PACSIN2: variants seen among roughly 807,000 people sequenced by gnomAD.
The protein encoded by PACSIN2 is protein kinase C and casein kinase substrate in neurons protein 2.
Under a neutral mutation model 63.8 loss-of-function variants are expected in PACSIN2, and 25 were observed. That is an observed-to-expected ratio of 0.39 (90% CI 0.29 to 0.55). The LOEUF (loss-of-function observed/expected upper bound fraction) is 0.55. PACSIN2 is among the 20% of genes least tolerant of loss of function. The pLI is 0.62. For synonymous variants in PACSIN2, 255 were observed against 256.2 expected (o/e 1.00, Z 0.05); for missense variants, 518 against 646.9 (o/e 0.80, Z 2.16).
intron 1 of PACSIN2, among the ~76,000 whole-genome samples, chr22:42,936,147 C>T (rs902058517): frequency 3.3e-5 from 5 of 149,542 alleles, no homozygotes; most frequent in Non-Finnish European, 7.4e-5. Flanking sequence ...ACCCGGGAGG[C>T]GGAGCTTGCA....
intron 1 of PACSIN2, among the ~76,000 whole-genome samples, chr22:42,965,624 A>C (rs572206365): frequency 6.6e-6 from 1 of 152,298 alleles, no homozygotes; most frequent in Admixed American, 6.5e-5. Flanking sequence ...TTTTAGCCCA[A>C]GTGTATTTCT....
At chr22:42,914,679 G>A (rs1931694951) in intron 1 of PACSIN2, among the ~76,000 whole-genome samples, 1 of 152,190 alleles carries the variant, frequency 6.6e-6, no homozygotes, top group Non-Finnish European at 1.5e-5. Flanking sequence ...TCTCAAAGTG[G>A]CCCAATCAAG....
intron 1 of PACSIN2, among the ~76,000 whole-genome samples, chr22:42,987,969 C>T (rs1922755951): frequency 1.3e-5 from 2 of 151,994 alleles, no homozygotes; most frequent in East Asian, 2.0e-4. Context: ...GGTGAAACCC[C>T]GTCTCTACTA....
intron 2 of PACSIN2, among the ~76,000 whole-genome samples, chr22:42,911,791 T>C (rs1053221064): frequency 6.6e-6 from 1 of 152,240 alleles, no homozygotes; most frequent in African/African-American, 2.4e-5. Flanking sequence ...AGTATCAGCC[T>C]TTCCTAGCAA....
chr22:42,870,198 G>C lies in PACSIN2; in HGVS notation c.*1159C>G, dbSNP rs539862853. 1 of 152,278 alleles carries C rather than the reference G, an allele frequency of 6.6e-6. No homozygotes were observed. Among genetic ancestry groups the C allele is most frequent in the Non-Finnish European group, 1.5e-5 (1 of 68,024 alleles). The allele number at this position is 152,278 out of a possible 1,614,324, so 9.4% of individuals were successfully genotyped here. A position where few individuals can be genotyped will look rare whatever the true frequency, so the allele number is the denominator to read the frequency against. ...AAATCTGCAACTACTGCAAAGACGC[G>C]GGCACTTTTACAGTGTTCTGCTACG... On this transcript the variant is annotated 3_prime_UTR_variant, in exon 11 of 11. Transcript: ENST00000263246.
intron 1 of PACSIN2, among the ~76,000 whole-genome samples, chr22:42,972,041 G>T (rs564333023): frequency 1.3e-5 from 2 of 152,236 alleles, no homozygotes; most frequent in Non-Finnish European, 2.9e-5. Context: ...GGGCCATGAT[G>T]ACAATGGCGG....
intron 1 of PACSIN2, among the ~76,000 whole-genome samples, chr22:42,916,812 C>T (rs1031940936): frequency 6.6e-6 from 1 of 152,152 alleles, no homozygotes; most frequent in Non-Finnish European, 1.5e-5. Flanking sequence ...CCAGCAGTGA[C>T]GAAGTCACCT....
chr22:43,008,184 A>C (rs530704804), intron 1 of PACSIN2, among the ~76,000 whole-genome samples: 1 of 152,296 alleles, frequency 6.6e-6, no homozygotes, highest in South Asian at 2.1e-4. Context: ...AAAATAAAAA[A>C]CATCTTTATT....
intron 1 of PACSIN2, among the ~76,000 whole-genome samples, chr22:42,974,001 G>A (rs544970764): frequency 6.6e-6 from 1 of 152,176 alleles, no homozygotes; most frequent in Admixed American, 6.5e-5. Context: ...CTGTGGAATC[G>A]CAATTCAATT....
chr22:42,992,272 C>T (rs540462881), intron 1 of PACSIN2, among the ~76,000 whole-genome samples: 1 of 152,248 alleles, frequency 6.6e-6, no homozygotes, highest in East Asian at 1.9e-4. Context: ...CTACATGTAC[C>T]AAGTGTTGGT....
intron 1 of PACSIN2, among the ~76,000 whole-genome samples, chr22:42,999,653 A>C (rs1923640410): frequency 1.3e-5 from 2 of 152,068 alleles, no homozygotes; most frequent in South Asian, 4.1e-4. Flanking sequence ...GGGCAACAAG[A>C]ATGAAACTCC....
chr22:42,893,342 T>C, intron 3 of PACSIN2, 115 bp downstream of exon 3: 1 of 1,110,840 alleles, frequency 9.0e-7, no homozygotes, highest in Non-Finnish European at 1.3e-6. Context: ...AAATGCACTC[T>C]TGCCCCAATC....
At chr22:42,950,041 T>C (rs1215147616) in intron 1 of PACSIN2, among the ~76,000 whole-genome samples, 1 of 152,174 alleles carries the variant, frequency 6.6e-6, no homozygotes, top group Non-Finnish European at 1.5e-5. Context: ...ACCCAAGGGT[T>C]CCACATCTGT....
Position 42,948,130 on chromosome 22 carries a change from G to A in PACSIN2, c.-77-35973C>T, listed in dbSNP as rs1223326379. Among the ~76,000 whole-genome samples, 4 of 152,324 alleles carry A rather than the reference G, an allele frequency of 2.6e-5. No individual in the cohort carries two copies. The East Asian group carries it at 7.7e-4, about 29-fold the overall frequency. ...GCATCCCAGGTAGAGGAACCTGTGT[G>A]ACAAAGGGGAGTTAGAAACCAGCCC... On this transcript the variant is annotated intron_variant, in intron 1 of 10. Transcript: ENST00000263246.
intron 1 of PACSIN2, among the ~76,000 whole-genome samples, chr22:42,979,405 T>A (rs1380922022): frequency 6.7e-6 from 1 of 150,028 alleles, no homozygotes; most frequent in Non-Finnish European, 1.5e-5. Flanking sequence ...GCGTCTGTAA[T>A]CCCAGCTACT....
In PACSIN2 at chr22:42,934,615, A is replaced by G. The variant is rs539361553; in HGVS notation, c.-77-22458T>C. 4.2e-4 allele frequency among the ~76,000 whole-genome samples: 64 copies of G among 151,638 alleles called. 1 individual carries two copies. The highest frequency in any genetic ancestry group is 7.1e-4 in the Non-Finnish European group (48 of 67,832). On this transcript the variant is annotated intron_variant, in intron 1 of 10. Transcript: ENST00000263246. The stretch of plus-strand genomic sequence containing the variant: ...CCGCCTTGCTGGTCAACTCCCACCT[A>G]CCTTGCAAGGCCCAGTTTGAGTGTC...
intron 1 of PACSIN2, among the ~76,000 whole-genome samples, chr22:42,993,058 C>T (rs920331847): frequency 1.3e-5 from 2 of 151,834 alleles, no homozygotes; most frequent in African/African-American, 2.4e-5. Flanking sequence ...CCCAGCTACT[C>T]GGGAGCTGGG....
chr22:42,989,911 T>C (rs1021793201), intron 1 of PACSIN2, among the ~76,000 whole-genome samples: 1 of 149,198 alleles, frequency 6.7e-6, no homozygotes, highest in African/African-American at 2.5e-5. Flanking sequence ...TATATGTATA[T>C]ATATGTGTGT....
intron 1 of PACSIN2, among the ~76,000 whole-genome samples, chr22:42,989,785 A>G (rs1239432343): frequency 1.3e-5 from 2 of 151,492 alleles, no homozygotes; most frequent in African/African-American, 4.9e-5. Flanking sequence ...TGGGCGACAC[A>G]GTGAGACTCT....
Sources: gnomAD v4.1 joint callset for allele counts (sites outside exome capture counted in the v4.1 genomes callset) on GRCh38, gnomAD v4.1.1 for gene constraint, MANE v1.5 for transcripts, NCBI Gene and HGNC (gene_info 2026-07-23, HGNC 2026-07-21) for gene names.